The following WNK1 variants were observed in gnomAD, a reference collection of about 807,000 sequenced individuals.
The protein encoded by WNK1 is serine/threonine-protein kinase WNK1.
In WNK1, 38 loss-of-function variants were observed where a neutral mutation model predicts 222.8. That is an observed-to-expected ratio of 0.17 (90% confidence interval 0.13 to 0.22). The LOEUF is 0.22. Among genes scored for constraint, WNK1 ranks in the 10% least tolerant of loss-of-function variants. The probability of loss-of-function intolerance (pLI) is 1.00; values close to 1 mark genes in which losing one functional copy is unlikely to be tolerated. For missense variants in WNK1, 2,348 were observed against 2,918.4 expected, an observed-to-expected ratio of 0.80 and a Z score of 4.50; for synonymous variants, 1,090 against 1,092.9, an observed-to-expected ratio of 1.00 and a Z score of 0.05.
chr12:783,950 C>T (rs1193339463), intron 1 of WNK1, among the ~76,000 whole-genome samples: 41 of 101,268 alleles, frequency 4.0e-4, no homozygotes, highest in South Asian at 1.1e-3. Context: ...CCAGGCACAG[C>T]GGCATGTGCC....
At chr12:869,097 A>G (rs1951927319) in intron 8 of WNK1, 1 of 1,613,914 alleles carries the variant, frequency 6.2e-7, no homozygotes, top group Admixed American at 1.7e-5. Flanking sequence ...TCTGCACTTC[A>G]TCCACAGGTT....
chr12:892,237 A>G (rs1954315512), intron 22 of WNK1, among the ~76,000 whole-genome samples: 1 of 151,296 alleles, frequency 6.6e-6, no homozygotes, highest in African/African-American at 2.4e-5. Context: ...TCCCAAGGGG[A>G]TTTTTTTCAA....
intron 1 of WNK1, among the ~76,000 whole-genome samples, chr12:795,748 G>A (rs1945258932): frequency 6.6e-6 from 1 of 152,052 alleles, no homozygotes; most frequent in Non-Finnish European, 1.5e-5. Flanking sequence ...TTGCTATACA[G>A]TTTCTTGAAG....
At chr12:830,208 A>C in intron 4 of WNK1, 48 bp downstream of exon 4, 3 of 1,599,262 alleles carry the variant, frequency 1.9e-6, no homozygotes, top group Non-Finnish European at 2.6e-6. Context: ...TATCTAACAA[A>C]GAATCCCAAG....
chr12:884,375 A>G lies in WNK1; in HGVS notation c.3844+132A>G, dbSNP rs1332679620. ...AGAATAGAAAACTGAAGTTATAACCAACAGATAAACATATGGGAGAGGGAA... is the reference window on the plus strand; with the variant it reads ...AGAATAGAAAACTGAAGTTATAACCGACAGATAAACATATGGGAGAGGGAA... On this transcript the variant is annotated intron_variant, in intron 18 of 27. Transcript: ENST00000315939. The surrounding 1 kb of genome is among the most constrained non-coding windows in gnomAD (Gnocchi z 5.6). 2.9e-6 allele frequency: 4 copies of G among 1,377,538 alleles called. No individual in the cohort carries two copies. Among genetic ancestry groups the G allele is most frequent in the Admixed American group, 3.6e-5 (2 of 55,116 alleles). The allele number at this position is 1,377,538 out of a possible 1,614,324, so 85.3% of individuals were successfully genotyped here.
intron 22 of WNK1, among the ~76,000 whole-genome samples, chr12:892,314 C>T (rs1174890504): frequency 6.6e-6 from 1 of 151,990 alleles, no homozygotes; most frequent in Non-Finnish European, 1.5e-5. Flanking sequence ...TTTAGGCTTT[C>T]TAGACCATAT....
rs1403201585 is a variant in WNK1 at position 753,772 on chromosome 12, C to T, written c.207C>T (p.Ala69=). The change falls in exon 1 of 28, where the codon GCC becomes GCT. Residue 69 remains alanine, a synonymous_variant. Transcript: ENST00000315939. This position sits in a 1 kb window ranked among gnomAD's most constrained non-coding sequence, Gnocchi z 5.2. ...HTMDKDSRGA[A]ATTTTTEHRF... ...TGGACAAGGACAGCCGTGGGGCGGC[C>T]GCGACCACTACCACCACTGAGCACC... is the stretch of plus-strand genomic sequence containing the variant. 6.2e-7 allele frequency: 1 copy of T among 1,612,246 alleles called. No individual in the cohort carries two copies. Among genetic ancestry groups the T allele is most frequent in the African/African-American group, 1.3e-5 (1 of 74,914 alleles).
chr12:889,322 A>G (rs1208866253), intron 21 of WNK1, 99 bp downstream of exon 21: 4 of 1,027,356 alleles, frequency 3.9e-6, no homozygotes, highest in East Asian at 4.9e-5. Context: ...TACCTTTAAC[A>G]TGTATTCAGA....
At chr12:816,732 TC>T (rs1471964838) in intron 2 of WNK1, among the ~76,000 whole-genome samples, 1 of 152,188 alleles carries the variant, frequency 6.6e-6, no homozygotes, top group East Asian at 1.9e-4. Context: ...TTTTCACAGT[TC>T]CTTGGTCAGT....
chr12:785,676 C>T lies in WNK1; in HGVS notation c.760-27966C>T, dbSNP rs150922682. 1.4e-4 allele frequency among the ~76,000 whole-genome samples: 22 copies of T among 152,276 alleles called. No individual in the cohort carries two copies. The East Asian group carries it at 2.9e-3, about 20-fold the overall frequency. On this transcript the variant is annotated intron_variant, in intron 1 of 27. Transcript: ENST00000315939. ...CCTCCCAAAGTGCTGGGATTACAAGCGTGAGCCACCACATGACCCTGCCTT... is the reference window on the plus strand; with the variant it reads ...CCTCCCAAAGTGCTGGGATTACAAGTGTGAGCCACCACATGACCCTGCCTT...
chr12:838,038 TG>T (rs1337427547), intron 4 of WNK1, among the ~76,000 whole-genome samples: 1 of 142,352 alleles, frequency 7.0e-6, no homozygotes. Context: ...TTGTAGCAAA[TG>T]TTCATGCTTC....
At chr12:854,633 C>T (rs1383616837) in intron 4 of WNK1, among the ~76,000 whole-genome samples, 1 of 152,056 alleles carries the variant, frequency 6.6e-6, no homozygotes, top group Non-Finnish European at 1.5e-5. Context: ...TAGGTGTGAG[C>T]CACCATGCCT....
chr12:823,917 T>A (rs1049452645), intron 2 of WNK1, among the ~76,000 whole-genome samples: 19 of 149,738 alleles, frequency 1.3e-4, no homozygotes, highest in Non-Finnish European at 2.8e-4. Flanking sequence ...TTTTTTTTTT[T>A]TTTTGGAGAT....
intron 26 of WNK1, chr12:904,450 C>T (rs565686596): frequency 1.6e-6 from 2 of 1,289,014 alleles, no homozygotes; most frequent in African/African-American, 3.0e-5. Flanking sequence ...CTTTGTGCTT[C>T]AGGGAAGATG....
At chr12:818,634 C>T (rs79466170) in intron 2 of WNK1, among the ~76,000 whole-genome samples, 1 of 152,324 alleles carries the variant, frequency 6.6e-6, no homozygotes, top group African/African-American at 2.4e-5. Context: ...TCCCATTTCT[C>T]CCAACCCTCA....
In WNK1 at chr12:884,054, A is replaced by T; in HGVS notation, c.3722-67A>T. 6.2e-7 allele frequency: 1 copy of T among 1,605,982 alleles called. No individual in the cohort carries two copies. The highest frequency in any genetic ancestry group is 1.7e-5 in the Admixed American group (1 of 59,760). Reference sequence around the variant, plus strand: ...AAAAAAGCAGTTGTATGTGCCAATAATGAAGTCTAACAATATTTATAATAA... The same window carrying T: ...AAAAAAGCAGTTGTATGTGCCAATATTGAAGTCTAACAATATTTATAATAA... On this transcript the variant is annotated intron_variant, in intron 17 of 27. Transcript: ENST00000315939. The surrounding 1 kb of genome is among the most constrained non-coding windows in gnomAD (Gnocchi z 5.6).
chr12:777,182 G>C (rs1011651148), intron 1 of WNK1, among the ~76,000 whole-genome samples: 1 of 69,502 alleles, frequency 1.4e-5, no homozygotes, highest in Non-Finnish European at 2.8e-5. Flanking sequence ...TTTTTTTTTT[G>C]AGATGGAGTC....
chr12:770,123 C>T (rs1591619830), intron 1 of WNK1, among the ~76,000 whole-genome samples: 1 of 152,052 alleles, frequency 6.6e-6, no homozygotes, highest in Non-Finnish European at 1.5e-5. Flanking sequence ...TACAGGCATG[C>T]GCCACCATGT....
rs1401885191 is a variant in WNK1 at position 752,738 on chromosome 12, C to T, written c.-828C>T. 1.3e-5 allele frequency: 2 copies of T among 152,350 alleles called. No individual in the cohort carries two copies. Among genetic ancestry groups the T allele is most frequent in the South Asian group, 2.1e-4 (1 of 4,832 alleles). 9.4% of individuals were successfully genotyped at this position (152,350 alleles called of 1,614,324 possible). A position where few individuals can be genotyped will look rare whatever the true frequency, so the allele number is the denominator to read the frequency against. On this transcript the variant is annotated 5_prime_UTR_variant, in exon 1 of 28. Coordinates refer to ENST00000315939, the MANE Select transcript of WNK1 (RefSeq NM_018979.4). ...TCACCCAGTCCTCTAGGTCTCCTCT[C>T]CTCTTGCCTCAGAGAAGCAGCGGAG...
Sources: allele counts gnomAD v4.1 joint callset (sites outside exome capture counted in the v4.1 genomes callset), GRCh38; gene constraint gnomAD v4.1.1; non-coding constraint Gnocchi (gnomAD v3.1); transcripts MANE v1.5; gene names NCBI Gene and HGNC (gene_info 2026-07-23, HGNC 2026-07-21).